Variants in TMEM132B observed in about 807,000 individuals in gnomAD.
The protein encoded by TMEM132B is transmembrane protein 132B.
Under a neutral mutation model 90.8 loss-of-function variants are expected in TMEM132B, and 18 were observed. The ratio of observed to expected loss-of-function variants is 0.20; its 90% CI spans 0.14 to 0.29. TMEM132B has a LOEUF of 0.29. TMEM132B is among the 10% of genes least tolerant of loss of function. TMEM132B has a pLI of 1.00. For missense variants in TMEM132B, 1,096 were observed against 1,326.8 expected (o/e 0.83, Z 2.70); for synonymous variants, 504 against 523.3 (o/e 0.96, Z 0.50).
intron 3 of TMEM132B, among the ~76,000 whole-genome samples, chr12:125,478,206 TCTC>T (rs1365150236): frequency 6.6e-6 from 1 of 152,078 alleles, no homozygotes; most frequent in Non-Finnish European, 1.5e-5. Context: ...GAGCGCCCCT[TCTC>T]CTCCAAAGGA....
intron 4 of TMEM132B, among the ~76,000 whole-genome samples, chr12:125,542,064 C>T (rs1883973890): frequency 6.7e-6 from 1 of 148,866 alleles, no homozygotes. Flanking sequence ...AAGTGAACAC[C>T]TGCTTCCTCA....
chr12:125,590,659 G>C (rs1285840920), intron 5 of TMEM132B, among the ~76,000 whole-genome samples: 1 of 152,182 alleles, frequency 6.6e-6, no homozygotes, highest in African/African-American at 2.4e-5. Flanking sequence ...AGCTTTGGGA[G>C]ATATAAAGGT....
Position 125,514,203 on chromosome 12 carries a change from C to T in TMEM132B, c.1107-5236C>T, listed in dbSNP as rs186108360. On this transcript the variant is annotated intron_variant, in intron 3 of 8. Transcript: ENST00000682704. Reference sequence around the variant, plus strand: ...TCCCAGAATGCAAACGCCACACGCCCCCCACCCCCAACGAGTTTTACAGGG... The same window carrying T: ...TCCCAGAATGCAAACGCCACACGCCTCCCACCCCCAACGAGTTTTACAGGG... Among the ~76,000 whole-genome samples, 399 of 152,254 alleles carry T rather than the reference C, an allele frequency of 2.6e-3. 1 individual carries two copies. Among genetic ancestry groups the T allele is most frequent in the African/African-American group, 9.1e-3 (380 of 41,550 alleles).
Position 125,458,523 on chromosome 12 carries a change from AGG to A in TMEM132B, c.1106+42848_1106+42849del, listed in dbSNP as rs1284223741. 6.6e-6 allele frequency among the ~76,000 whole-genome samples: 1 copy of A among 152,106 alleles called. No homozygotes were observed. The highest frequency in any genetic ancestry group is 6.5e-5 in the Admixed American group (1 of 15,272). ...GGGCCTTGCAGGTCCTGGGGAGCTG[AGG>A]GCTGCACAATTCTCAGAGCTCCCTC... On this transcript the variant is annotated intron_variant, in intron 3 of 8. Coordinates refer to ENST00000682704, the MANE Select transcript of TMEM132B (RefSeq NM_001366854.1). The surrounding 1 kb of genome is among the most constrained non-coding windows in gnomAD (Gnocchi z 4.9).
chr12:125,433,601 T>C (rs1426762967), intron 3 of TMEM132B, among the ~76,000 whole-genome samples: 1 of 150,912 alleles, frequency 6.6e-6, no homozygotes, highest in Non-Finnish European at 1.5e-5. Context: ...ACATGTGCCA[T>C]GCTGGTGAGC....
chr12:125,599,078 C>T (rs1885511297), intron 5 of TMEM132B, among the ~76,000 whole-genome samples: 1 of 152,204 alleles, frequency 6.6e-6, no homozygotes, highest in South Asian at 2.1e-4. Context: ...ACCCAAATCT[C>T]ATCTTGAATT....
intron 1 of TMEM132B, among the ~76,000 whole-genome samples, chr12:125,257,485 A>G (rs1874465291): frequency 6.6e-6 from 1 of 152,134 alleles, no homozygotes; most frequent in African/African-American, 2.4e-5. Context: ...GCACTGGCTG[A>G]ACCCTGTGCA....
chr12:125,625,875 T>A (rs932535615), intron 5 of TMEM132B, among the ~76,000 whole-genome samples: 8 of 152,216 alleles, frequency 5.3e-5, no homozygotes, highest in Non-Finnish European at 1.2e-4. Context: ...CTCTTAGTGG[T>A]TTTAATTGGT....
At chr12:125,413,140 G>A (rs1005645426) in intron 2 of TMEM132B, among the ~76,000 whole-genome samples, 11 of 152,086 alleles carry the variant, frequency 7.2e-5, no homozygotes, top group Admixed American at 2.0e-4. Flanking sequence ...GGTTCCTTAC[G>A]GTGGGTGGTA....
At chr12:125,248,141 CA>C (rs1481368822) in intron 1 of TMEM132B, among the ~76,000 whole-genome samples, 1 of 152,202 alleles carries the variant, frequency 6.6e-6, no homozygotes, top group Non-Finnish European at 1.5e-5. Flanking sequence ...CTGTAACTGT[CA>C]CCTGCAGGCA....
At chr12:125,283,011 C>T (rs1174035424) in intron 1 of TMEM132B, among the ~76,000 whole-genome samples, 1 of 152,156 alleles carries the variant, frequency 6.6e-6, no homozygotes, top group East Asian at 1.9e-4. Context: ...GTATTCTGTT[C>T]ACTCATGGAA....
At chr12:125,396,680 T>A (rs574701972) in intron 2 of TMEM132B, among the ~76,000 whole-genome samples, 14 of 152,084 alleles carry the variant, frequency 9.2e-5, no homozygotes, top group Non-Finnish European at 1.5e-4. Flanking sequence ...CTAATTTTCA[T>A]ACTTTTTCTG....
At chr12:125,238,726 C>T (rs545996552) in intron 1 of TMEM132B, among the ~76,000 whole-genome samples, 182 of 152,280 alleles carry the variant, frequency 1.2e-3, no homozygotes, top group Admixed American at 1.8e-3. Context: ...CCACATGGGA[C>T]GTTTTACAGA....
chr12:125,222,474 G>A (rs1055144618), intron 1 of TMEM132B, among the ~76,000 whole-genome samples: 2 of 152,078 alleles, frequency 1.3e-5, no homozygotes, highest in African/African-American at 4.8e-5. Context: ...CACAAACCAG[G>A]CTCTCCATAA....
chr12:125,301,565 G>C (rs1197672065), intron 1 of TMEM132B: 2 of 152,312 alleles, frequency 1.3e-5, no homozygotes, highest in Admixed American at 6.5e-5. Flanking sequence ...TGAGCCAAGA[G>C]CTAGTAGAGC....
At chr12:125,631,157 G>T (rs147069448) in intron 5 of TMEM132B, among the ~76,000 whole-genome samples, 2 of 152,060 alleles carry the variant, frequency 1.3e-5, no homozygotes, top group African/African-American at 4.8e-5. Context: ...TTCTTTTGCT[G>T]TATGCCATAG....
At chr12:125,527,491 A>ACCCATCCACCCTTCCAC (rs1883518143) in intron 4 of TMEM132B, among the ~76,000 whole-genome samples, 2 of 52,164 alleles carry the variant, frequency 3.8e-5, no homozygotes, top group Admixed American at 2.0e-4. Context: ...CACCCTTCCA[A>ACCCATCCACCCTTCCAC]CCACCCATCC....
intron 4 of TMEM132B, among the ~76,000 whole-genome samples, chr12:125,566,807 T>G (rs1031986719): frequency 6.6e-6 from 1 of 150,696 alleles, no homozygotes; most frequent in Non-Finnish European, 1.5e-5. Context: ...TCCTCCTCCT[T>G]CTCCTCCTTC....
chr12:125,566,824 CTCT>C (rs768811102), intron 4 of TMEM132B, among the ~76,000 whole-genome samples: 4 of 142,118 alleles, frequency 2.8e-5, no homozygotes, highest in Non-Finnish European at 4.5e-5. Flanking sequence ...CTTCTTCTTC[CTCT>C]TCTTCTTCTT....
Sources: gnomAD v4.1 joint callset for allele counts (sites outside exome capture counted in the v4.1 genomes callset) on GRCh38, gnomAD v4.1.1 for gene constraint, Gnocchi (gnomAD v3.1) non-coding constraint, MANE v1.5 for transcripts, NCBI Gene and HGNC (gene_info 2026-07-23, HGNC 2026-07-21) for gene names.